TMEM132D: variants seen among roughly 807,000 people sequenced by gnomAD.
TMEM132D encodes transmembrane protein 132D, also known as mature OL transmembrane protein.
In TMEM132D, 21 loss-of-function variants were observed where a neutral mutation model predicts 62.3. That is an observed-to-expected ratio of 0.34 (90% CI 0.24 to 0.49). The LOEUF is 0.49. Among genes scored for constraint, TMEM132D ranks in the 20% least tolerant of loss-of-function variants. TMEM132D has a pLI of 0.99. For synonymous variants in TMEM132D, 621 were observed against 575.6 expected, an observed-to-expected ratio of 1.08 and a Z score of -1.13; for missense variants, 1,346 against 1,402.8, an observed-to-expected ratio of 0.96 and a Z score of 0.65.
At chr12:129,868,046 CAT>C (rs1455977459) in intron 1 of TMEM132D, among the ~76,000 whole-genome samples, 3 of 152,000 alleles carry the variant, frequency 2.0e-5, no homozygotes, top group East Asian at 1.9e-4. Context: ...ATGGTACACA[CAT>C]GAGACAGCGT....
At chr12:129,735,725 T>C (rs1002660205) in intron 1 of TMEM132D, among the ~76,000 whole-genome samples, 2 of 152,168 alleles carry the variant, frequency 1.3e-5, no homozygotes, top group South Asian at 2.1e-4. Flanking sequence ...GCAAAACTAA[T>C]GGATGGTCAG....
intron 3 of TMEM132D, among the ~76,000 whole-genome samples, chr12:129,348,546 G>C (rs1869762731): frequency 6.6e-6 from 1 of 152,064 alleles, no homozygotes; most frequent in Non-Finnish European, 1.5e-5. Flanking sequence ...CACCCACCAG[G>C]GCCTGTCGGG....
chr12:129,128,110 T>A (rs1876268522), intron 5 of TMEM132D, among the ~76,000 whole-genome samples: 1 of 152,136 alleles, frequency 6.6e-6, no homozygotes, highest in Non-Finnish European at 1.5e-5. Flanking sequence ...GAGGGCTGCA[T>A]GTACAAACTT....
At chr12:129,232,744 G>C (rs990517859) in intron 4 of TMEM132D, among the ~76,000 whole-genome samples, 1 of 152,140 alleles carries the variant, frequency 6.6e-6, no homozygotes, top group Non-Finnish European at 1.5e-5. Flanking sequence ...GTTCCACGTG[G>C]CTGGGGAGGC....
chr12:129,809,598 T>G (rs182215000), intron 1 of TMEM132D, among the ~76,000 whole-genome samples: 1 of 152,318 alleles, frequency 6.6e-6, no homozygotes. Context: ...TCAAGTCCTT[T>G]GTTTTTGTGA....
chr12:129,216,494 T>C (rs1200754041), intron 4 of TMEM132D, among the ~76,000 whole-genome samples: 1 of 151,958 alleles, frequency 6.6e-6, no homozygotes, highest in Non-Finnish European at 1.5e-5. Flanking sequence ...GAGATTGGGG[T>C]GATCCATCCG....
intron 1 of TMEM132D, among the ~76,000 whole-genome samples, chr12:129,859,597 C>T (rs1188337697): frequency 6.6e-6 from 1 of 152,100 alleles, no homozygotes; most frequent in Admixed American, 6.5e-5. Flanking sequence ...GCAGACCCAC[C>T]CTCAGTGTGG....
intron 3 of TMEM132D, among the ~76,000 whole-genome samples, chr12:129,470,776 T>C (rs570448685): frequency 6.6e-6 from 1 of 152,354 alleles, no homozygotes; most frequent in South Asian, 2.1e-4. Flanking sequence ...TCCAAAGGCC[T>C]GAAAATGACC....
chr12:129,616,099 C>T (rs1375911477), intron 2 of TMEM132D, among the ~76,000 whole-genome samples: 3 of 152,214 alleles, frequency 2.0e-5, no homozygotes, highest in Non-Finnish European at 4.4e-5. Flanking sequence ...TTTTATTCTA[C>T]TTCCTTGTTT....
At chr12:129,313,144 T>A (rs1379189994) in intron 4 of TMEM132D, among the ~76,000 whole-genome samples, 1 of 151,220 alleles carries the variant, frequency 6.6e-6, no homozygotes, top group East Asian at 2.0e-4. Context: ...AGGAAGAGTT[T>A]CAGACAAGAG....
chr12:129,829,313 A>G (rs1044953532), intron 1 of TMEM132D, among the ~76,000 whole-genome samples: 4 of 152,188 alleles, frequency 2.6e-5, no homozygotes, highest in Non-Finnish European at 5.9e-5. Context: ...GCATCACCCC[A>G]GAAAGGGACA....
At chr12:129,416,677 T>C (rs1194002364) in intron 3 of TMEM132D, among the ~76,000 whole-genome samples, 1 of 152,230 alleles carries the variant, frequency 6.6e-6, no homozygotes, top group Non-Finnish European at 1.5e-5. Flanking sequence ...CAATATGTTA[T>C]TGGCTATGGG....
intron 3 of TMEM132D, among the ~76,000 whole-genome samples, chr12:129,372,483 G>A (rs1215362353): frequency 6.6e-6 from 1 of 152,154 alleles, no homozygotes; most frequent in Non-Finnish European, 1.5e-5. Context: ...ATGGTAGGAG[G>A]TGAGTAGTGG....
chr12:129,889,370 G>A (rs1029463715), intron 1 of TMEM132D, among the ~76,000 whole-genome samples: 4 of 152,196 alleles, frequency 2.6e-5, no homozygotes, highest in Non-Finnish European at 5.9e-5. Flanking sequence ...ACATCTGGAT[G>A]TTAAATGCAT....
chr12:129,317,270 T>G (rs1868519957), intron 4 of TMEM132D, among the ~76,000 whole-genome samples: 1 of 152,210 alleles, frequency 6.6e-6, no homozygotes, highest in Non-Finnish European at 1.5e-5. Context: ...GGTTCTGTTT[T>G]GATGTGGTTC....
intron 1 of TMEM132D, among the ~76,000 whole-genome samples, chr12:129,731,013 T>A (rs1173587397): frequency 1.3e-5 from 2 of 152,044 alleles, no homozygotes; most frequent in Non-Finnish European, 2.9e-5. Flanking sequence ...CTTAATAAAA[T>A]CCGCTTTATA....
intron 5 of TMEM132D, among the ~76,000 whole-genome samples, chr12:129,179,378 G>T (rs745929864): frequency 5.2e-4 from 79 of 152,054 alleles, no homozygotes; most frequent in Non-Finnish European, 5.3e-4. Context: ...CAAAGCGACA[G>T]CTGTAAGGAG....
In TMEM132D at chr12:129,827,088, G is replaced by T. The variant is rs1593177409; in HGVS notation, c.79+76173C>A. ...GAATTGATTTTAGTGATCATTATTT[G>T]GTGGTTCAGAAGGCAATTTAACATC... On this transcript the variant is annotated intron_variant, in intron 1 of 8. Transcript: ENST00000422113. The surrounding 1 kb of genome is among the most constrained non-coding windows in gnomAD (Gnocchi z 9.7). Among the ~76,000 whole-genome samples, 1 of 152,132 alleles carries T rather than the reference G, an allele frequency of 6.6e-6. No homozygotes were observed. Among genetic ancestry groups the T allele is most frequent in the East Asian group, 1.9e-4 (1 of 5,198 alleles).
intron 2 of TMEM132D, among the ~76,000 whole-genome samples, chr12:129,557,603 C>A (rs1877100748): frequency 6.6e-6 from 1 of 152,146 alleles, no homozygotes. Flanking sequence ...GTAGTCCCAG[C>A]TACTTGGGAG....
Sources: allele counts gnomAD v4.1 joint callset (sites outside exome capture counted in the v4.1 genomes callset), GRCh38; gene constraint gnomAD v4.1.1; non-coding constraint Gnocchi (gnomAD v3.1); transcripts MANE v1.5; gene names NCBI Gene and HGNC (gene_info 2026-07-23, HGNC 2026-07-21).